Variants in HSPG2 observed in about 807,000 individuals in gnomAD.
HSPG2 encodes heparan sulfate proteoglycan 2.
In HSPG2, 278 loss-of-function variants were observed where a neutral mutation model predicts 526.6. The observed-to-expected ratio is 0.53, with a 90% CI of 0.48 to 0.58. HSPG2 has a LOEUF of 0.58. Ranked by LOEUF, HSPG2 falls within the 20% of genes least tolerant of loss-of-function variation. The pLI is 0.00. For missense variants in HSPG2, 5,354 were observed against 6,099.5 expected (o/e 0.88, Z 4.07); for synonymous variants, 2,465 against 2,555.4 (o/e 0.96, Z 1.07).
At position 21,880,505 on chromosome 1, in the gene HSPG2, C is replaced by A. The variant is rs779863111; in HGVS notation, c.2053G>T (p.Val685Leu). The A allele has an allele frequency of 3.7e-6, 6 of 1,613,638 alleles. No individual in the cohort carries two copies. The South Asian group carries it at 4.4e-5, about 12-fold the overall frequency. The change falls in exon 16 of 97, where the codon GTG (valine) becomes TTG (leucine). Residue 685 changes from valine to leucine, a missense_variant. By Grantham distance (32) the Val-to-Leu change is conservative. Coordinates refer to ENST00000374695, the MANE Select transcript of HSPG2 (RefSeq NM_005529.7). ...RPVQRAELLQ[V>L]LQSLEAVLIQ... ...AGCACGGCCTCCAGGCTCTGCAGCA[C>A]CTGCAGCAGCTCCGCGCGCTGCACC...
chr1:21,919,335 A>T (rs1216602387), intron 1 of HSPG2, among the ~76,000 whole-genome samples: 8 of 151,788 alleles, frequency 5.3e-5, no homozygotes, highest in Non-Finnish European at 1.0e-4. Context: ...CTGAGGCAGG[A>T]GAATCGCTTG....
At position 21,872,939 on chromosome 1, in the gene HSPG2, C is replaced by T. The variant is rs543973193; in HGVS notation, c.3888+58G>A. On this transcript the variant is annotated intron_variant, in intron 31 of 96. Transcript: ENST00000374695. This position sits in a 1 kb window ranked among gnomAD's most constrained non-coding sequence, Gnocchi z 5.5. ...TCCACCAGATGCTGCCTGATTTCCC[C>T]GCAGGGTCTGGGCAGCGGGGCAGAG... 69 of 1,576,000 alleles carry T rather than the reference C, an allele frequency of 4.4e-5. No individual in the cohort carries two copies. Among genetic ancestry groups the T allele is most frequent in the African/African-American group, 2.8e-4 (21 of 74,350 alleles).
Position 21,890,308 on chromosome 1 carries a change from C to T in HSPG2, c.413+119G>A. 2 of 1,272,334 alleles carry T rather than the reference C, an allele frequency of 1.6e-6. No individual in the cohort carries two copies. The highest frequency in any genetic ancestry group is 2.3e-6 in the Non-Finnish European group (2 of 875,726). 78.8% of individuals were successfully genotyped at this position (1,272,334 alleles called of 1,614,324 possible). A position where few individuals can be genotyped will look rare whatever the true frequency, so the allele number is the denominator to read the frequency against. On this transcript the variant is annotated intron_variant, in intron 5 of 96. Coordinates refer to ENST00000374695, the MANE Select transcript of HSPG2 (RefSeq NM_005529.7). The surrounding 1 kb of genome is among the most constrained non-coding windows in gnomAD (Gnocchi z 4.1). ...CCCCCGACCAATTCCTGAATTTCCA[C>T]CCACAGCGACTCATCCCATAGGCCT...
At chr1:21,829,656 G>A in intron 86 of HSPG2, 52 bp from the exon 87 acceptor site, 1 of 1,470,464 alleles carries the variant, frequency 6.8e-7, no homozygotes, top group Non-Finnish European at 9.3e-7. Context: ...ACCCTCGGGT[G>A]GGGTCCAGCT....
chr1:21,922,303 C>T (rs1644062171), intron 1 of HSPG2, among the ~76,000 whole-genome samples: 1 of 152,222 alleles, frequency 6.6e-6, no homozygotes, highest in Non-Finnish European at 1.5e-5. Flanking sequence ...GCTATGCCTC[C>T]TGCCTATGAC....
At position 21,873,933 on chromosome 1, in the gene HSPG2, G is replaced by T. The variant is rs768551784; in HGVS notation, c.3735C>A (p.His1245Gln). ...TCCACCCCCTGCCTCACCTCTCACA[G>T]TGACGCCCACTGTGGCCTGGGGAGC... ...DACSPGHSGR[H>Q]CERCAPGYYG... Residue 1245 changes from histidine to glutamine, a missense_variant, in exon 29 of 97, where the codon CAC (histidine) becomes CAA (glutamine). By Grantham distance (24) the His-to-Gln change is conservative. Transcript: ENST00000374695. 1 of 1,591,410 alleles carries T rather than the reference G, an allele frequency of 6.3e-7. No individual in the cohort carries two copies. Among genetic ancestry groups the T allele is most frequent in the African/African-American group, 1.3e-5 (1 of 74,684 alleles).
chr1:21,915,804 C>T (rs1643873694), intron 1 of HSPG2, among the ~76,000 whole-genome samples: 1 of 152,148 alleles, frequency 6.6e-6, no homozygotes, highest in East Asian at 1.9e-4. Flanking sequence ...AATCCCAGCA[C>T]TTTGGGAGGC....
Position 21,855,337 on chromosome 1 carries a change from G to A in HSPG2, c.5964C>T (p.Thr1988=), listed in dbSNP as rs747504839. ...GGAGGCTGCCCCCTTCCTTCCTCCA[G>A]GTGATGGTGGCGCTAGGCACGCCTG... ...RAAGVPSATI[T]WRKEGGSLPP... The change falls in exon 47 of 97, where the codon ACC becomes ACT. Residue 1988 remains threonine, a synonymous_variant. Transcript: ENST00000374695. The A allele has an allele frequency of 1.2e-6, 2 of 1,608,970 alleles. No individual in the cohort carries two copies. The highest frequency in any genetic ancestry group is 1.7e-6 in the Non-Finnish European group (2 of 1,178,476).
rs532676786 is a variant in HSPG2 at position 21,894,879 on chromosome 1, T to C, written c.244+1043A>G. On this transcript the variant is annotated intron_variant, in intron 3 of 96. Coordinates refer to ENST00000374695, the MANE Select transcript of HSPG2 (RefSeq NM_005529.7). ...CCCAGCTCCCAGGCATCCTGCAGCC[T>C]CGTGGAGACCTACACATGGAAATGG... Among the ~76,000 whole-genome samples the C allele has an allele frequency of 1.0e-3, 147 of 146,754 alleles. 2 individuals are homozygous for C. In the Middle Eastern group the frequency reaches 0.033, roughly 33 times the overall value.
chr1:21,879,994 T>C (rs1041001310), intron 17 of HSPG2, 113 bp downstream of exon 17: 1 of 1,246,842 alleles, frequency 8.0e-7, no homozygotes, highest in African/African-American at 1.5e-5. Context: ...ATAGTTCATC[T>C]GGCAGTCATG....
chr1:21,852,612 C>T (rs1638989714), intron 52 of HSPG2, 88 bp downstream of exon 52: 1 of 1,577,804 alleles, frequency 6.3e-7, no homozygotes, highest in Admixed American at 1.7e-5. Flanking sequence ...GGCCTTCTGC[C>T]CTGTCAGCAA....
chr1:21,852,419 G>A (rs1237337877), intron 52 of HSPG2, among the ~76,000 whole-genome samples, 186 bp from the exon 53 acceptor site: 2 of 152,272 alleles, frequency 1.3e-5, no homozygotes, highest in Non-Finnish European at 2.9e-5. Flanking sequence ...CATGGGCCAC[G>A]CCTTGCAGAG....
At chr1:21,856,437 A>G (rs1265178065) in intron 44 of HSPG2, among the ~76,000 whole-genome samples, 1 of 151,570 alleles carries the variant, frequency 6.6e-6, no homozygotes, top group Admixed American at 6.6e-5. Context: ...TATTTTTCTG[A>G]GATGGATTCT....
rs781448759 is a variant in HSPG2 at position 21,878,248 on chromosome 1, C to T, written c.2623G>A (p.Glu875Lys). The change falls in exon 21 of 97, where the codon GAG becomes AAG. Residue 875 changes from glutamate (E) to lysine (K), a missense_variant. Physicochemically the swap from Glu to Lys is moderately conservative, Grantham distance 56 (BLOSUM62 1). Transcript: ENST00000374695. ...PGGKCRPVNQ[E>K]IVRCDERGSM... Reference sequence around the variant, plus strand: ...CCACGCTCGTCACAGCGCACAATCTCCTGGTCTGGGACACAAAACGAGTGT... The same window carrying T: ...CCACGCTCGTCACAGCGCACAATCTTCTGGTCTGGGACACAAAACGAGTGT... 2 of 1,614,040 alleles carry T rather than the reference C, an allele frequency of 1.2e-6. No individual in the cohort carries two copies. The highest frequency in any genetic ancestry group is 1.1e-5 in the South Asian group (1 of 91,068).
At chr1:21,919,998 C>CCGGGTT (rs1199298832) in intron 1 of HSPG2, among the ~76,000 whole-genome samples, 1 of 152,178 alleles carries the variant, frequency 6.6e-6, no homozygotes, top group Middle Eastern at 3.2e-3. Flanking sequence ...CTGCCGCCTC[C>CCGGGTT]CGGGTTCAAG....
chr1:21,849,460 C>T (rs1258073102), intron 57 of HSPG2, among the ~76,000 whole-genome samples: 2 of 152,218 alleles, frequency 1.3e-5, no homozygotes, highest in African/African-American at 4.8e-5. Flanking sequence ...GGTACACACT[C>T]ACACCACATC....
Position 21,824,339 on chromosome 1 carries a change from C to T in HSPG2, c.12782G>A (p.Ser4261Asn). 1 of 1,613,934 alleles carries T rather than the reference C, an allele frequency of 6.2e-7. No homozygotes were observed. ...AAGGTGCCCGTCTTGAAGCCCGAGGCTGATGAAGTCCTTGCCTTGGCCGGC... is the reference window on the plus strand; with the variant it reads ...AAGGTGCCCGTCTTGAAGCCCGAGGTTGATGAAGTCCTTGCCTTGGCCGGC... The part of the protein sequence containing the change: ...GEAGQGKDFI[S>N]LGLQDGHLVF... The change falls in exon 94 of 97, where the codon AGC becomes AAC. Residue 4261 changes from serine (S) to asparagine (N), a missense_variant. Ser to Asn is a conservative substitution (Grantham distance 46). Coordinates refer to ENST00000374695, the MANE Select transcript of HSPG2 (RefSeq NM_005529.7). The surrounding 1 kb of genome is among the most constrained non-coding windows in gnomAD (Gnocchi z 5.9).
rs1423224238 is a variant in HSPG2, at chr1:21,830,104, T to C, written c.11672-13A>G. ...GGCCCACAGGCCTCTGGGGGGCACATAGGCCAGTGAAAAGACACGGAGGTG... is the reference window on the plus strand; with the variant it reads ...GGCCCACAGGCCTCTGGGGGGCACACAGGCCAGTGAAAAGACACGGAGGTG... On this transcript the variant is annotated splice_polypyrimidine_tract_variant and intron_variant, in intron 85 of 96. Transcript: ENST00000374695. 5.7e-6 allele frequency: 9 copies of C among 1,579,302 alleles called. No homozygotes were observed. The highest frequency in any genetic ancestry group is 6.0e-6 in the Non-Finnish European group (7 of 1,163,288).
chr1:21,865,017 T>C lies in HSPG2; in HGVS notation c.4452A>G (p.Ala1484=). Reference sequence around the variant, plus strand: ...TCAGGAGCTCATCCAGGTCGGCCAGTGCCATCAGGAGGTGCTCGCGTGTGG... The same window carrying C: ...TCAGGAGCTCATCCAGGTCGGCCAGCGCCATCAGGAGGTGCTCGCGTGTGG... ...QPATREHLLM[A]LADLDELLIR... Residue 1484 remains alanine (A), a synonymous_variant, in exon 36 of 97, where the codon GCA becomes GCG. Transcript: ENST00000374695. This position sits in a 1 kb window ranked among gnomAD's most constrained non-coding sequence, Gnocchi z 5.4. 1 of 1,577,758 alleles carries C rather than the reference T, an allele frequency of 6.3e-7. No individual in the cohort carries two copies. The highest frequency in any genetic ancestry group is 1.1e-5 in the South Asian group (1 of 86,966).
Sources: allele counts gnomAD v4.1 joint callset (sites outside exome capture counted in the v4.1 genomes callset), GRCh38; gene constraint gnomAD v4.1.1; non-coding constraint Gnocchi (gnomAD v3.1); transcripts MANE v1.5; gene names NCBI Gene and HGNC (gene_info 2026-07-23, HGNC 2026-07-21).